The following PTPN14 variants were observed in gnomAD, a reference collection of about 807,000 sequenced individuals.
PTPN14 encodes the protein protein tyrosine phosphatase non-receptor type 14, also known as tyrosine-protein phosphatase non-receptor type 14.
Under a neutral mutation model 126.8 loss-of-function variants are expected in PTPN14, and 53 were observed. That is an observed-to-expected ratio of 0.42 (90% CI 0.34 to 0.53). The LOEUF is 0.53. PTPN14 is among the 20% of genes least tolerant of loss of function. The pLI is 0.08. For missense variants in PTPN14, 1,257 were observed against 1,552.9 expected (o/e 0.81, Z 3.20); for synonymous variants, 630 against 599.3 (o/e 1.05, Z -0.75).
intron 1 of PTPN14, among the ~76,000 whole-genome samples, chr1:214,519,094 C>G (rs1655179409): frequency 6.6e-6 from 1 of 152,074 alleles, no homozygotes; most frequent in South Asian, 2.1e-4. Context: ...CATGGTGAAA[C>G]CCCACCTCCA....
At chr1:214,510,263 T>A (rs1230399597) in intron 1 of PTPN14, among the ~76,000 whole-genome samples, 1 of 152,082 alleles carries the variant, frequency 6.6e-6, no homozygotes, top group Non-Finnish European at 1.5e-5. Flanking sequence ...ACATCAAAGA[T>A]CCCTGATCAC....
intron 1 of PTPN14, chr1:214,528,489 T>C (rs773762940): frequency 6.6e-6 from 1 of 152,220 alleles, no homozygotes; most frequent in Non-Finnish European, 1.5e-5. Flanking sequence ...TCTCACAATA[T>C]ATTGCTCTAT....
chr1:214,494,344 G>A (rs1219196443), intron 1 of PTPN14, among the ~76,000 whole-genome samples: 2 of 152,132 alleles, frequency 1.3e-5, no homozygotes, highest in African/African-American at 2.4e-5. Context: ...TTACAGGTGT[G>A]AGCCACAGCA....
intron 1 of PTPN14, among the ~76,000 whole-genome samples, chr1:214,518,263 A>G (rs566238548): frequency 2.4e-4 from 36 of 152,304 alleles, no homozygotes; most frequent in African/African-American, 7.9e-4. Context: ...CAACTAAAAT[A>G]TGACACCAAT....
chr1:214,499,003 C>CT (rs1413805523), intron 1 of PTPN14, among the ~76,000 whole-genome samples: 1 of 152,038 alleles, frequency 6.6e-6, no homozygotes, highest in African/African-American at 2.4e-5. Context: ...GACAGTCTCA[C>CT]TATGTTGTCC....
chr1:214,528,646 G>A (rs912396121), intron 1 of PTPN14: 1 of 152,146 alleles, frequency 6.6e-6, no homozygotes, highest in Non-Finnish European at 1.5e-5. Flanking sequence ...ACTGAGGTAT[G>A]GGGGCTGGGC....
intron 1 of PTPN14, among the ~76,000 whole-genome samples, chr1:214,542,898 A>G (rs923723663): frequency 1.3e-5 from 2 of 152,212 alleles, no homozygotes; most frequent in African/African-American, 4.8e-5. Context: ...ATTCACTTTC[A>G]TGACCATGAA....
intron 3 of PTPN14, among the ~76,000 whole-genome samples, chr1:214,436,711 C>T (rs560881992): frequency 7.4e-5 from 11 of 148,368 alleles, no homozygotes; most frequent in African/African-American, 1.7e-4. Flanking sequence ...CACTTGAACC[C>T]GGGAGGCGGA....
chr1:214,387,132 G>C (rs1379768237), intron 11 of PTPN14, among the ~76,000 whole-genome samples: 1 of 152,254 alleles, frequency 6.6e-6, no homozygotes, highest in Non-Finnish European at 1.5e-5. Flanking sequence ...CAGTAAGGGA[G>C]AAATGAAGTT....
chr1:214,497,902 A>AAT (rs1654574673), intron 1 of PTPN14, among the ~76,000 whole-genome samples: 1 of 152,226 alleles, frequency 6.6e-6, no homozygotes, highest in Non-Finnish European at 1.5e-5. Flanking sequence ...CAATTTCATT[A>AAT]GAAACACACA....
chr1:214,410,034 T>C (rs34470079), intron 5 of PTPN14, among the ~76,000 whole-genome samples: 17,091 of 152,274 alleles, frequency 0.11, 1,068 homozygotes, highest in Middle Eastern at 0.14. Context: ...GAGTTCCTTA[T>C]ATATTTTGAG....
In PTPN14 at chr1:214,515,219, T is replaced by C. The variant is rs74802958; in HGVS notation, c.-155+35964A>G. On this transcript the variant is annotated intron_variant, in intron 1 of 18. Coordinates refer to ENST00000366956, the MANE Select transcript of PTPN14 (RefSeq NM_005401.5). ...TAAAGACAATGAAAAATTTACACAT[T>C]AGTTAATGGAGTTTTTAAAAACTGA... is the stretch of plus-strand genomic sequence containing the variant. 4.7e-3 allele frequency among the ~76,000 whole-genome samples: 723 copies of C among 152,262 alleles called. 3 individuals are homozygous for C. The highest frequency in any genetic ancestry group is 0.016 in the African/African-American group (684 of 41,562).
intron 18 of PTPN14, among the ~76,000 whole-genome samples, chr1:214,358,902 C>A (rs1657888210): frequency 6.6e-6 from 1 of 151,654 alleles, no homozygotes; most frequent in Admixed American, 6.6e-5. Flanking sequence ...ACCACCACGC[C>A]CGGCTAATTT....
rs200525357 is a variant in PTPN14 at position 214,468,557 on chromosome 1, A to AC, written c.-154-3601dup. Among the ~76,000 whole-genome samples, 1,221 of 151,176 alleles carry AC rather than the reference A, an allele frequency of 8.1e-3. 10 individuals are homozygous for AC. Among genetic ancestry groups the AC allele is most frequent in the Non-Finnish European group, 0.012 (810 of 67,580 alleles). ...AGCAACAGAGCAAAAACTCTCAAAA[A>AC]CAAAAAAAAGAAAAGAAAAGAAAAA... On this transcript the variant is annotated intron_variant, in intron 1 of 18. Transcript: ENST00000366956.
chr1:214,437,195 T>C (rs1374326940), intron 3 of PTPN14, among the ~76,000 whole-genome samples: 1 of 152,182 alleles, frequency 6.6e-6, no homozygotes, highest in Non-Finnish European at 1.5e-5. Flanking sequence ...TACCTATTAT[T>C]TCATCTTACA....
chr1:214,485,636 G>A (rs548801152), intron 1 of PTPN14, among the ~76,000 whole-genome samples: 2 of 152,208 alleles, frequency 1.3e-5, no homozygotes, highest in Non-Finnish European at 2.9e-5. Flanking sequence ...ATACAGAGGC[G>A]AATGTAACCA....
chr1:214,479,604 G>T (rs1319915052), intron 1 of PTPN14, among the ~76,000 whole-genome samples: 1 of 151,890 alleles, frequency 6.6e-6, no homozygotes, highest in Non-Finnish European at 1.5e-5. Context: ...CTCCCAAATT[G>T]CTGAGATTAC....
chr1:214,402,191 A>C (rs1659034165), intron 6 of PTPN14, among the ~76,000 whole-genome samples: 1 of 151,842 alleles, frequency 6.6e-6, no homozygotes, highest in Admixed American at 6.6e-5. Flanking sequence ...TAATCCCAGC[A>C]CTTTGGGAGG....
intron 3 of PTPN14, among the ~76,000 whole-genome samples, chr1:214,423,155 AG>A (rs1305083583): frequency 6.6e-6 from 1 of 151,466 alleles, no homozygotes; most frequent in Non-Finnish European, 1.5e-5. Flanking sequence ...GGGGGGAGGG[AG>A]GGGAAGGAAA....
Sources: gnomAD v4.1 joint callset for allele counts (sites outside exome capture counted in the v4.1 genomes callset) on GRCh38, gnomAD v4.1.1 for gene constraint, MANE v1.5 for transcripts, NCBI Gene and HGNC (gene_info 2026-07-23, HGNC 2026-07-21) for gene names.